The following CEP164 variants were observed in gnomAD, a reference collection of about 807,000 sequenced individuals.
CEP164 encodes the protein centrosomal protein of 164 kDa.
Under a neutral mutation model 182.7 loss-of-function variants are expected in CEP164, and 162 were observed. The ratio of observed to expected loss-of-function variants is 0.89; its 90% CI spans 0.78 to 1.01. The LOEUF (loss-of-function observed/expected upper bound fraction) is 1.01, where lower values mean the gene tolerates loss of function less well. CEP164 is among the 50% of genes least tolerant of loss of function. The pLI, the probability that CEP164 is intolerant of heterozygous loss-of-function variation, is 0.00. For synonymous variants in CEP164, 661 were observed against 690.0 expected (o/e 0.96, Z 0.66); for missense variants, 1,735 against 1,790.4 (o/e 0.97, Z 0.56).
intron 3 of CEP164, among the ~76,000 whole-genome samples, chr11:117,341,033 G>A (rs2135150350): frequency 6.6e-6 from 1 of 152,166 alleles, no homozygotes; most frequent in Admixed American, 6.5e-5. Flanking sequence ...CACCATATTG[G>A]TCAGGCTGGT....
chr11:117,360,846 A>G (rs1242280731), intron 5 of CEP164, among the ~76,000 whole-genome samples: 3 of 151,912 alleles, frequency 2.0e-5, no homozygotes. Context: ...CTTTTTCTTG[A>G]CTCATCAGTT....
rs147785070 is a variant in CEP164, at chr11:117,397,167, C to T, written c.3355C>T (p.Gln1119Ter). ...CCGTAGTGCCAAGGAGTTCCTTGTG[C>T]AGCAGACACGCTCCATGCGGAGGCG... is the stretch of plus-strand genomic sequence containing the variant. Reference protein sequence around the residue: ...ALRSAKEFLVQQTRSMRRRQT... With the variant: ...ALRSAKEFLV The change falls in exon 27 of 33, where the codon CAG becomes TAG. Residue 1119 changes from glutamine (Q) to a stop codon, truncating the protein, a stop_gained. Coordinates refer to ENST00000278935, the MANE Select transcript of CEP164 (RefSeq NM_014956.5). LOFTEE classifies it high-confidence loss of function. The T allele has an allele frequency of 3.0e-5, 49 of 1,614,032 alleles. No homozygotes were observed. Among genetic ancestry groups the T allele is most frequent in the South Asian group, 9.9e-5 (9 of 91,092 alleles).
rs879117083 is a variant in CEP164, at chr11:117,396,546, C to G, written c.3217-4C>G. 6.2e-7 allele frequency: 1 copy of G among 1,613,324 alleles called. No homozygotes were observed. The highest frequency in any genetic ancestry group is 8.5e-7 in the Non-Finnish European group (1 of 1,179,398). ...CAGTGGACTTTTCTACCATGTGTCC[C>G]TAGAACCAGACCAAAGAGGTGTCTT... On this transcript the variant is annotated splice_polypyrimidine_tract_variant and splice_region_variant and intron_variant, in intron 25 of 32. Transcript: ENST00000278935.
intron 2 of CEP164, chr11:117,336,656 C>G: frequency 1.0e-6 from 1 of 995,844 alleles, no homozygotes; most frequent in Non-Finnish European, 1.6e-6. Context: ...TCCAGCCTTT[C>G]CACGGCTGCC....
At chr11:117,327,227 T>TGCGGGGAGAGATGGG (rs1195509685), upstream of CEP164, among the ~76,000 whole-genome samples, 1 of 152,176 alleles carries the variant, frequency 6.6e-6, no homozygotes, top group Non-Finnish European at 1.5e-5. Context: ...CCAGTTTTTT[T>TGCGGGGAGAGATGGG]GCGGGGAGAG....
chr11:117,394,426 A>AACT lies in CEP164; in HGVS notation c.2694_2696dup (p.Leu899dup). On this transcript the variant is annotated inframe_insertion, in exon 21 of 33. Coordinates refer to ENST00000278935, the MANE Select transcript of CEP164 (RefSeq NM_014956.5). The surrounding 1 kb of genome is among the most constrained non-coding windows in gnomAD (Gnocchi z 4.0). Reference sequence around the variant, plus strand: ...CGCCTGCAGAGGGCCCATGAACGAGAACTGGAGACTGTGAGGCAGGAGCAA... The same window carrying AACT: ...CGCCTGCAGAGGGCCCATGAACGAGAACTACTGGAGACTGTGAGGCAGGAGCAA... 6.2e-7 allele frequency: 1 copy of AACT among 1,614,002 alleles called. No individual in the cohort carries two copies. Among genetic ancestry groups the AACT allele is most frequent in the Non-Finnish European group, 8.5e-7 (1 of 1,179,972 alleles).
chr11:117,359,891 A>G (rs2040735623), intron 5 of CEP164, among the ~76,000 whole-genome samples: 2 of 152,118 alleles, frequency 1.3e-5, no homozygotes, highest in African/African-American at 4.8e-5. Context: ...CATCATCTCC[A>G]TCTTGCGGAT....
upstream of CEP164, among the ~76,000 whole-genome samples, chr11:117,324,756 C>G (rs886563412): frequency 6.6e-6 from 1 of 151,908 alleles, no homozygotes; most frequent in African/African-American, 2.4e-5. Flanking sequence ...AATCCCAGCA[C>G]TTTGGAAGGC....
intron 5 of CEP164, 36 bp downstream of exon 5, chr11:117,352,024 G>A: frequency 1.3e-6 from 2 of 1,532,126 alleles, no homozygotes; most frequent in Non-Finnish European, 1.8e-6. Flanking sequence ...GAGAGGCCAG[G>A]GCTGAAATCT....
intron 3 of CEP164, among the ~76,000 whole-genome samples, chr11:117,341,078 C>T (rs182316285): frequency 1.1e-3 from 162 of 152,228 alleles, no homozygotes; most frequent in African/African-American, 3.7e-3. Context: ...CTACCTGCCT[C>T]GGCCTCCCAA....
At chr11:117,379,545 G>C (rs747995990) in intron 11 of CEP164, among the ~76,000 whole-genome samples, 2 of 152,186 alleles carry the variant, frequency 1.3e-5, no homozygotes, top group Non-Finnish European at 2.9e-5. Context: ...CTTAGGCTGG[G>C]GGAGAGGGAG....
chr11:117,354,481 GCTT>G (rs1342058683), intron 5 of CEP164, among the ~76,000 whole-genome samples: 1 of 152,160 alleles, frequency 6.6e-6, no homozygotes, highest in Non-Finnish European at 1.5e-5. Context: ...AAGAAATGGA[GCTT>G]CTTTGGTTGA....
chr11:117,393,171 A>G (rs779408449), intron 20 of CEP164, 45 bp downstream of exon 20: 9 of 1,596,896 alleles, frequency 5.6e-6, no homozygotes, highest in South Asian at 3.3e-5. Flanking sequence ...ACATGCACAC[A>G]CACATGCACG....
intron 27 of CEP164, among the ~76,000 whole-genome samples, chr11:117,407,251 A>G (rs1220260946): frequency 2.6e-5 from 4 of 152,086 alleles, no homozygotes; most frequent in African/African-American, 9.7e-5. Flanking sequence ...CATGCTGCCC[A>G]CGACCCTGTC....
At chr11:117,360,087 G>A (rs1218154092) in intron 5 of CEP164, among the ~76,000 whole-genome samples, 1 of 152,190 alleles carries the variant, frequency 6.6e-6, no homozygotes. Context: ...AGTGGAGAGG[G>A]GAGAGAGTCC....
intron 14 of CEP164, among the ~76,000 whole-genome samples, chr11:117,383,517 A>G (rs2043584135): frequency 6.6e-6 from 1 of 152,204 alleles, no homozygotes; most frequent in Non-Finnish European, 1.5e-5. Flanking sequence ...ATGGAATTAT[A>G]CAGTATACAG....
chr11:117,336,617 A>G, intron 2 of CEP164: 1 of 1,284,926 alleles, frequency 7.8e-7, no homozygotes, highest in South Asian at 1.2e-5. Flanking sequence ...GCTGTCTGGC[A>G]TTGGGATTCC....
chr11:117,373,737 G>A lies in CEP164; in HGVS notation c.1153-14G>A. On this transcript the variant is annotated splice_polypyrimidine_tract_variant and intron_variant, in intron 9 of 32. Transcript: ENST00000278935. ...TCTGCTCTGAGGGATTTCTCTGTGGGTCTGTCTCTCCAGGAACTGGAAATT... is the reference window on the plus strand; with the variant it reads ...TCTGCTCTGAGGGATTTCTCTGTGGATCTGTCTCTCCAGGAACTGGAAATT... 6.2e-7 allele frequency: 1 copy of A among 1,612,380 alleles called. No individual in the cohort carries two copies. The highest frequency in any genetic ancestry group is 8.5e-7 in the Non-Finnish European group (1 of 1,178,456).
chr11:117,366,548 C>T (rs557489159), intron 8 of CEP164, among the ~76,000 whole-genome samples: 1 of 152,184 alleles, frequency 6.6e-6, no homozygotes, highest in African/African-American at 2.4e-5. Flanking sequence ...CTTTATGTGG[C>T]CATGTGGTGC....
Sources: allele counts gnomAD v4.1 joint callset (sites outside exome capture counted in the v4.1 genomes callset), GRCh38; gene constraint gnomAD v4.1.1; non-coding constraint Gnocchi (gnomAD v3.1); transcripts MANE v1.5; gene names NCBI Gene and HGNC (gene_info 2026-07-23, HGNC 2026-07-21).